The following FHIT variants were observed in gnomAD, a reference collection of about 807,000 sequenced individuals.
FHIT encodes fragile histidine triad diadenosine triphosphatase.
FHIT carries 19 observed loss-of-function variants against 17.9 expected under a neutral mutation model. The ratio of observed to expected loss-of-function variants is 1.06; its 90% CI spans 0.74 to 1.56. The LOEUF (loss-of-function observed/expected upper bound fraction) is 1.56. FHIT is among the 40% of genes most tolerant of loss of function. The pLI, the probability that FHIT is intolerant of heterozygous loss-of-function variation, is 0.00. For synonymous variants in FHIT, 81 were observed against 69.7 expected, an observed-to-expected ratio of 1.16 and a Z score of -0.81; for missense variants, 248 against 189.2, an observed-to-expected ratio of 1.31 and a Z score of -1.82.
intron 1 of FHIT, among the ~76,000 whole-genome samples, chr3:61,247,366 G>T (rs1204652184): frequency 2.6e-5 from 4 of 152,120 alleles, no homozygotes; most frequent in Admixed American, 1.3e-4. Context: ...CACGGTCATT[G>T]CCCCAGGATT....
intron 3 of FHIT, among the ~76,000 whole-genome samples, chr3:61,033,586 C>T (rs1282491543): frequency 6.6e-6 from 1 of 152,118 alleles, no homozygotes; most frequent in East Asian, 1.9e-4. Flanking sequence ...ACATATGGGG[C>T]TTACATCTGT....
chr3:59,990,199 C>G (rs1709164570), intron 7 of FHIT, among the ~76,000 whole-genome samples: 1 of 151,990 alleles, frequency 6.6e-6, no homozygotes, highest in Non-Finnish European at 1.5e-5. Context: ...AGTATCATCT[C>G]TGTAATCAGA....
At chr3:60,368,771 C>T (rs1416157233) in intron 5 of FHIT, among the ~76,000 whole-genome samples, 2 of 151,950 alleles carry the variant, frequency 1.3e-5, no homozygotes, top group African/African-American at 4.8e-5. Flanking sequence ...TATTTTTTCT[C>T]TAATTTGTTA....
At chr3:59,830,145 G>A (rs1038613057) in intron 8 of FHIT, among the ~76,000 whole-genome samples, 1 of 152,138 alleles carries the variant, frequency 6.6e-6, no homozygotes, top group African/African-American at 2.4e-5. Flanking sequence ...GTTATGCTGG[G>A]AAGATATTAC....
At chr3:60,936,207 C>T (rs1272860174) in intron 3 of FHIT, among the ~76,000 whole-genome samples, 2 of 152,046 alleles carry the variant, frequency 1.3e-5, no homozygotes, top group Non-Finnish European at 2.9e-5. Context: ...TTTTAATACG[C>T]AATTAAGTAA....
chr3:61,114,027 T>C (rs867932296), intron 2 of FHIT, among the ~76,000 whole-genome samples: 1 of 152,196 alleles, frequency 6.6e-6, no homozygotes, highest in Non-Finnish European at 1.5e-5. Flanking sequence ...TCTATGACTA[T>C]TGAGGTATAT....
At chr3:60,739,456 G>A (rs1306263568) in intron 4 of FHIT, among the ~76,000 whole-genome samples, 1 of 152,190 alleles carries the variant, frequency 6.6e-6, no homozygotes, top group African/African-American at 2.4e-5. Flanking sequence ...TCTCCCACAA[G>A]GGGTTTGAGT....
intron 5 of FHIT, among the ~76,000 whole-genome samples, chr3:60,210,273 C>G (rs1322005962): frequency 6.6e-6 from 1 of 151,968 alleles, no homozygotes; most frequent in Non-Finnish European, 1.5e-5. Context: ...AAATCAGATC[C>G]ATTCCTTAGA....
At chr3:59,989,649 T>C (rs1485853988) in intron 7 of FHIT, among the ~76,000 whole-genome samples, 1 of 152,064 alleles carries the variant, frequency 6.6e-6, no homozygotes, top group Non-Finnish European at 1.5e-5. Flanking sequence ...GCAGATCTCA[T>C]TATGTCCCTT....
chr3:60,811,981 A>G (rs1460858235), intron 4 of FHIT, among the ~76,000 whole-genome samples: 2 of 152,276 alleles, frequency 1.3e-5, no homozygotes, highest in Non-Finnish European at 2.9e-5. Context: ...ACACAAATGC[A>G]TAGACCCTTA....
At chr3:59,940,515 T>C (rs1279723816) in intron 7 of FHIT, among the ~76,000 whole-genome samples, 1 of 152,084 alleles carries the variant, frequency 6.6e-6, no homozygotes, top group Non-Finnish European at 1.5e-5. Flanking sequence ...GAACACAGTG[T>C]GAAAAACTTT....
intron 2 of FHIT, among the ~76,000 whole-genome samples, chr3:61,088,408 C>G (rs939003200): frequency 6.6e-6 from 1 of 152,178 alleles, no homozygotes; most frequent in Non-Finnish European, 1.5e-5. Flanking sequence ...ATCAGTGAGT[C>G]TGCTTTCAAG....
At chr3:59,986,896 T>A (rs1316793494) in intron 7 of FHIT, among the ~76,000 whole-genome samples, 1 of 118,066 alleles carries the variant, frequency 8.5e-6, no homozygotes, top group Admixed American at 1.1e-4. Context: ...TATTCATATA[T>A]TTTATATTAT....
chr3:60,096,049 G>A (rs1341477554), intron 5 of FHIT, among the ~76,000 whole-genome samples: 1 of 152,170 alleles, frequency 6.6e-6, no homozygotes, highest in East Asian at 1.9e-4. Context: ...TGATCACTTT[G>A]CAAGCCAGGG....
chr3:61,211,895 A>G (rs1371234840), intron 1 of FHIT, among the ~76,000 whole-genome samples: 2 of 152,230 alleles, frequency 1.3e-5, no homozygotes, highest in Admixed American at 1.3e-4. Flanking sequence ...CCAGGCAAAC[A>G]GAGTCTGGAG....
At chr3:60,397,289 TG>T (rs1418991542) in intron 5 of FHIT, among the ~76,000 whole-genome samples, 1 of 152,092 alleles carries the variant, frequency 6.6e-6, no homozygotes, top group Non-Finnish European at 1.5e-5. Flanking sequence ...AGGAGATTAC[TG>T]GGGGAGGAAA....
chr3:60,021,010 C>T (rs902021219), intron 5 of FHIT, among the ~76,000 whole-genome samples: 2 of 152,088 alleles, frequency 1.3e-5, no homozygotes, highest in Non-Finnish European at 2.9e-5. Flanking sequence ...ATTTCAGTAA[C>T]TCAATAAAGG....
chr3:60,833,316 G>C (rs560406054), intron 3 of FHIT, among the ~76,000 whole-genome samples: 1 of 152,128 alleles, frequency 6.6e-6, no homozygotes, highest in Admixed American at 6.5e-5. Context: ...CAGGCTATGC[G>C]GATTGGGCAA....
At chr3:60,316,460 G>T (rs571998646) in intron 5 of FHIT, among the ~76,000 whole-genome samples, 2 of 152,218 alleles carry the variant, frequency 1.3e-5, no homozygotes, top group South Asian at 4.2e-4. Context: ...AAGCATTTAG[G>T]ACAAGTGAGT....
Sources: allele counts gnomAD v4.1 joint callset (sites outside exome capture counted in the v4.1 genomes callset), GRCh38; gene constraint gnomAD v4.1.1; transcripts MANE v1.5; gene names NCBI Gene and HGNC (gene_info 2026-07-23, HGNC 2026-07-21).